The following FGGY variants were observed in gnomAD, a reference collection of about 807,000 sequenced individuals.
The protein encoded by FGGY is FGGY carbohydrate kinase domain-containing protein.
In FGGY, 72 loss-of-function variants were observed where a neutral mutation model predicts 71.3. That is an observed-to-expected ratio of 1.01 (90% CI 0.84 to 1.23). FGGY has a LOEUF of 1.23. FGGY is among the 50% of genes most tolerant of loss of function. The pLI is 0.00. For missense variants in FGGY, 668 were observed against 682.3 expected, an observed-to-expected ratio of 0.98 and a Z score of 0.23; for synonymous variants, 251 against 250.3, an observed-to-expected ratio of 1.00 and a Z score of -0.02.
intron 14 of FGGY, among the ~76,000 whole-genome samples, chr1:59,711,576 A>AC (rs1184237995): frequency 2.0e-5 from 3 of 152,200 alleles, no homozygotes; most frequent in Non-Finnish European, 4.4e-5. Flanking sequence ...ATAAAGACAT[A>AC]CCCGAGATTG....
rs748051560 is a variant in FGGY at position 59,667,313 on chromosome 1, G to C, written c.1327G>C (p.Glu443Gln). Reference sequence around the variant, plus strand: ...GACTCGCTTCATTATAGAAGCCATGGAGGCAGCAGGGCACTCAATCAGTAC... The same window carrying C: ...GACTCGCTTCATTATAGAAGCCATGCAGGCAGCAGGGCACTCAATCAGTAC... ...LGTRFIIEAM[E>Q]AAGHSISTLF... The change falls in exon 13 of 16, where the codon GAG becomes CAG. Residue 443 changes from glutamate (E) to glutamine (Q), a missense_variant. By Grantham distance (29) the Glu-to-Gln change is conservative. Around this residue, in one of 2 missense-constraint regions of FGGY, gnomAD observed 661 missense variants for 661.6 expected, o/e 1.00. Coordinates refer to ENST00000303721, the MANE Select transcript of FGGY (RefSeq NM_018291.5). The C allele has an allele frequency of 4.3e-6, 7 of 1,614,006 alleles. No homozygotes were observed. The South Asian group carries it at 7.7e-5, about 18-fold the overall frequency.
intron 14 of FGGY, among the ~76,000 whole-genome samples, chr1:59,718,505 T>C (rs1368727012): frequency 1.3e-5 from 2 of 152,198 alleles, no homozygotes; most frequent in African/African-American, 4.8e-5. Flanking sequence ...GGTGGCTCTC[T>C]ACAAATGTTT....
intron 1 of FGGY, among the ~76,000 whole-genome samples, chr1:59,320,670 G>A (rs968900849): frequency 2.0e-5 from 3 of 152,196 alleles, no homozygotes; most frequent in African/African-American, 7.2e-5. Flanking sequence ...ACTAATTGCT[G>A]ATCTTGTCTC....
rs2096639043 is a variant in FGGY at position 59,607,923 on chromosome 1, T to C, written c.1011+13T>C. On this transcript the variant is annotated intron_variant, in intron 9 of 15. Transcript: ENST00000303721. ...TACTGGAAAATTGGTAAGTTGACACTTTCTCAATAGGGTCATGGATGTTTT... is the reference window on the plus strand; with the variant it reads ...TACTGGAAAATTGGTAAGTTGACACCTTCTCAATAGGGTCATGGATGTTTT... The C allele has an allele frequency of 6.3e-7, 1 of 1,594,164 alleles. No individual in the cohort carries two copies. Among genetic ancestry groups the C allele is most frequent in the African/African-American group, 1.3e-5 (1 of 74,522 alleles).
At position 59,536,767 on chromosome 1, in the gene FGGY, T is replaced by C. The variant is rs368305290; in HGVS notation, c.800-17357T>C. Among the ~76,000 whole-genome samples the C allele has an allele frequency of 3.3e-5, 5 of 152,172 alleles. 1 individual carries two copies. The East Asian group carries it at 9.6e-4, about 29-fold the overall frequency. On this transcript the variant is annotated intron_variant, in intron 7 of 15. Coordinates refer to ENST00000303721, the MANE Select transcript of FGGY (RefSeq NM_018291.5). ...GACAAAAACCACATGATTATCTCAA[T>C]AGATGCAGGCCTTTGACAAAATTCA...
chr1:59,692,976 T>G (rs2097607047), intron 14 of FGGY, among the ~76,000 whole-genome samples: 1 of 152,232 alleles, frequency 6.6e-6, no homozygotes, highest in Non-Finnish European at 1.5e-5. Flanking sequence ...CTCTGTTGCC[T>G]TGAGCAAGTC....
intron 6 of FGGY, among the ~76,000 whole-genome samples, chr1:59,465,169 C>G (rs1273010388): frequency 6.6e-6 from 1 of 152,198 alleles, no homozygotes; most frequent in Non-Finnish European, 1.5e-5. Flanking sequence ...CCACCATGAT[C>G]AAGTTGGTTT....
At chr1:59,708,456 G>A (rs1197957247) in intron 14 of FGGY, among the ~76,000 whole-genome samples, 1 of 152,144 alleles carries the variant, frequency 6.6e-6, no homozygotes, top group Non-Finnish European at 1.5e-5. Flanking sequence ...CCTATTAAGT[G>A]GGTCTCCTTG....
chr1:59,669,968 T>G (rs1259941900), intron 13 of FGGY, among the ~76,000 whole-genome samples: 1 of 152,198 alleles, frequency 6.6e-6, no homozygotes, highest in Non-Finnish European at 1.5e-5. Flanking sequence ...TTGGAAACTG[T>G]TCTCCTCTAG....
chr1:59,664,422 C>G (rs905099957), intron 12 of FGGY, among the ~76,000 whole-genome samples: 9 of 152,198 alleles, frequency 5.9e-5, no homozygotes, highest in Admixed American at 1.3e-4. Context: ...CAGCCCCTCT[C>G]GAGGGAGTGC....
chr1:59,587,973 G>T (rs930551098), intron 8 of FGGY, among the ~76,000 whole-genome samples: 1 of 152,018 alleles, frequency 6.6e-6, no homozygotes, highest in Admixed American at 6.6e-5. Flanking sequence ...TTGAGAGAAG[G>T]CTTCAGACCA....
chr1:59,373,941 C>G (rs1428265720), intron 4 of FGGY, among the ~76,000 whole-genome samples: 3 of 152,106 alleles, frequency 2.0e-5, no homozygotes, highest in Admixed American at 2.0e-4. Context: ...GACCTAAAAC[C>G]ATAAAAACCC....
intron 7 of FGGY, among the ~76,000 whole-genome samples, chr1:59,544,673 G>A (rs1209399142): frequency 6.6e-6 from 1 of 152,150 alleles, no homozygotes; most frequent in Non-Finnish European, 1.5e-5. Context: ...TAAAGGAAAT[G>A]CCATTATTTC....
intron 6 of FGGY, among the ~76,000 whole-genome samples, chr1:59,470,511 T>G (rs932968907): frequency 6.6e-6 from 1 of 152,220 alleles, no homozygotes; most frequent in Non-Finnish European, 1.5e-5. Flanking sequence ...ATACAATCTT[T>G]TCAGTCTCAG....
chr1:59,420,877 C>T (rs1271687155), intron 5 of FGGY, among the ~76,000 whole-genome samples: 2 of 150,728 alleles, frequency 1.3e-5, no homozygotes, highest in Non-Finnish European at 3.0e-5. Flanking sequence ...TGCCCGGCCA[C>T]CAAGAAGCTT....
chr1:59,340,034 A>C lies in FGGY; in HGVS notation c.278A>C (p.Asp93Ala), dbSNP rs746050054. Residue 93 changes from aspartate to alanine, a missense_variant, in exon 3 of 16, where the codon GAT (aspartate) becomes GCT (alanine). Physicochemically the swap from Asp to Ala is moderately radical, Grantham distance 126 (BLOSUM62 -2). Transcript: ENST00000303721. ...FDATCSLVVL[D>A]KQFHPLPVNQ... ...GCCACGTGTTCTCTGGTTGTTTTGG[A>C]TAAGCAGTTTCACCCATTACCAGTC... The C allele has an allele frequency of 4.3e-6, 7 of 1,613,010 alleles. No homozygotes were observed. The African/African-American group carries it at 8.0e-5, about 18-fold the overall frequency.
At chr1:59,695,428 A>G (rs1234771877) in intron 14 of FGGY, among the ~76,000 whole-genome samples, 1 of 152,204 alleles carries the variant, frequency 6.6e-6, no homozygotes, top group Non-Finnish European at 1.5e-5. Flanking sequence ...ACACTCGCCC[A>G]TGCATTCCAT....
At position 59,641,851 on chromosome 1, in the gene FGGY, C is replaced by G. The variant is rs75784512; in HGVS notation, c.1221+3476C>G. Among the ~76,000 whole-genome samples, 31 of 152,252 alleles carry G rather than the reference C, an allele frequency of 2.0e-4. No homozygotes were observed. In the East Asian group the frequency reaches 6.0e-3, roughly 29 times the overall value. On this transcript the variant is annotated intron_variant, in intron 11 of 15. Transcript: ENST00000303721. ...TCCACTGTGGAAACAGTTTGGACCT[C>G]GCCACCTTCTGCTCCCTTGCATAAA...
At chr1:59,569,804 T>C (rs575741411) in intron 8 of FGGY, among the ~76,000 whole-genome samples, 2 of 152,204 alleles carry the variant, frequency 1.3e-5, no homozygotes, top group African/African-American at 4.8e-5. Flanking sequence ...GTTTTCTTTT[T>C]TTCAAATGAG....
Sources: gnomAD v4.1 joint callset for allele counts (sites outside exome capture counted in the v4.1 genomes callset) on GRCh38, gnomAD v4.1.1 for gene constraint, gnomAD v4.1.1 regional missense constraint, MANE v1.5 for transcripts, NCBI Gene and HGNC (gene_info 2026-07-23, HGNC 2026-07-21) for gene names.